Variants in HS6ST2 observed in about 807,000 individuals in gnomAD.
HS6ST2 encodes the protein heparan sulfate 6-O-sulfotransferase 2.
A neutral mutation model predicts 33.0 loss-of-function variants in HS6ST2; 17 were observed. The ratio of observed to expected loss-of-function variants is 0.52; its 90% CI spans 0.35 to 0.77. The LOEUF (loss-of-function observed/expected upper bound fraction) is 0.77, where lower values mean the gene tolerates loss of function less well. Ranked by LOEUF, HS6ST2 falls within the 30% of genes least tolerant of loss-of-function variation. The pLI is 0.01. For synonymous variants in HS6ST2, 248 were observed against 237.1 expected (o/e 1.05, Z -0.42); for missense variants, 519 against 551.7 (o/e 0.94, Z 0.59).
At chrX:132,944,650 A>T (rs189457901) in intron 2 of HS6ST2, among the ~76,000 whole-genome samples, 6 of 111,600 alleles carry the variant, frequency 5.4e-5, no homozygotes, top group Non-Finnish European at 7.5e-5. Flanking sequence ...TGCTGCCAAA[A>T]CAGAGATATA....
intron 2 of HS6ST2, among the ~76,000 whole-genome samples, chrX:132,927,952 T>C (rs192838855): frequency 1.1e-3 from 123 of 110,174 alleles, no homozygotes; most frequent in African/African-American, 4.0e-3. Flanking sequence ...TTTAATTAGC[T>C]CATGGTTCTG....
intron 4 of HS6ST2, among the ~76,000 whole-genome samples, chrX:132,666,496 T>A (rs970939083): frequency 8.9e-6 from 1 of 111,796 alleles, no homozygotes; most frequent in African/African-American, 3.3e-5. Flanking sequence ...CAGGTGGGCA[T>A]ATCATTATCC....
At chrX:132,869,005 T>TTA (rs1556479445) in intron 2 of HS6ST2, among the ~76,000 whole-genome samples, 1 of 107,802 alleles carries the variant, frequency 9.3e-6, no homozygotes, top group African/African-American at 3.4e-5. Context: ...ATTTTTTTTT[T>TTA]AAAGACTAAC....
chrX:132,668,014 C>G (rs751482101), intron 4 of HS6ST2, among the ~76,000 whole-genome samples: 1 of 111,253 alleles, frequency 9.0e-6, no homozygotes, highest in African/African-American at 3.3e-5. Flanking sequence ...CAAGATAACC[C>G]GCATTCAACT....
At chrX:132,748,161 A>G (rs2064665405) in intron 2 of HS6ST2, among the ~76,000 whole-genome samples, 1 of 111,086 alleles carries the variant, frequency 9.0e-6, no homozygotes, top group African/African-American at 3.3e-5. Flanking sequence ...CAACATACCT[A>G]AGCTGCAATT....
Position 132,704,642 on chromosome X carries a change from C to A in HS6ST2, c.980+3820G>T, listed in dbSNP as rs536336686. The stretch of plus-strand genomic sequence containing the variant: ...TCTTCCAGCACCTAAAAACTGAACT[C>A]AATTTTCATCTTAGGAAGCTGTTCC... On this transcript the variant is annotated intron_variant, in intron 3 of 4. Transcript: ENST00000370833. Among the ~76,000 whole-genome samples the A allele has an allele frequency of 6.2e-5, 7 of 112,296 alleles. No individual in the cohort carries two copies. In the South Asian group the frequency reaches 2.6e-3, roughly 42 times the overall value.
intron 2 of HS6ST2, among the ~76,000 whole-genome samples, chrX:132,778,976 T>C (rs1163943943): frequency 3.6e-5 from 4 of 112,137 alleles, no homozygotes; most frequent in African/African-American, 1.3e-4. Context: ...AACAGTATCC[T>C]GGAATGGAGG....
intron 2 of HS6ST2, among the ~76,000 whole-genome samples, chrX:132,805,015 C>G (rs2065267870): frequency 9.0e-6 from 1 of 111,271 alleles, no homozygotes; most frequent in Non-Finnish European, 1.9e-5. Context: ...TAGCTACCAA[C>G]TGCCACTGTC....
At chrX:132,660,661 A>T (rs1005485099) in intron 4 of HS6ST2, among the ~76,000 whole-genome samples, 1 of 111,568 alleles carries the variant, frequency 9.0e-6, no homozygotes, top group African/African-American at 3.3e-5. Context: ...GCAGGGATCA[A>T]CCATTTGTTC....
intron 2 of HS6ST2, among the ~76,000 whole-genome samples, chrX:132,791,029 C>T (rs760750252): frequency 6.8e-4 from 75 of 109,852 alleles, no homozygotes; most frequent in Admixed American, 3.8e-3. Flanking sequence ...TGCTTGTAGT[C>T]CCGGCTACTT....
intron 2 of HS6ST2, among the ~76,000 whole-genome samples, chrX:132,889,859 G>A (rs747546086): frequency 9.0e-6 from 1 of 111,717 alleles, no homozygotes; most frequent in Non-Finnish European, 1.9e-5. Flanking sequence ...GAACATATCT[G>A]GAGGCATCAC....
chrX:132,670,039 A>G (rs1199954566), intron 3 of HS6ST2, among the ~76,000 whole-genome samples: 1 of 111,681 alleles, frequency 9.0e-6, no homozygotes, highest in Non-Finnish European at 1.9e-5. Flanking sequence ...AAACCAATTC[A>G]AAGCCTTTCT....
intron 2 of HS6ST2, among the ~76,000 whole-genome samples, chrX:132,866,237 A>G (rs1045145733): frequency 4.5e-5 from 5 of 111,781 alleles, no homozygotes; most frequent in Middle Eastern, 4.6e-3. Context: ...TAAATAGGGA[A>G]TCCTTTCCCC....
chrX:132,826,251 T>C (rs1230294564), intron 2 of HS6ST2, among the ~76,000 whole-genome samples: 1 of 112,100 alleles, frequency 8.9e-6, no homozygotes, highest in Non-Finnish European at 1.9e-5. Flanking sequence ...TTGGTTTTGG[T>C]TTTGCCTATG....
At chrX:132,774,831 C>A (rs941216869) in intron 2 of HS6ST2, among the ~76,000 whole-genome samples, 1 of 110,502 alleles carries the variant, frequency 9.0e-6, no homozygotes, top group Admixed American at 9.7e-5. Context: ...CAGGTGTGCA[C>A]AACCACACCC....
chrX:132,637,854 TATATATAATATATTATATATAATA>T, intron 4 of HS6ST2, among the ~76,000 whole-genome samples: 2 of 26,552 alleles, frequency 7.5e-5, no homozygotes, highest in African/African-American at 1.5e-3. Context: ...ATATATAATA[TATATATAATATATTATATATAATA>T]TATATATAAT....
At chrX:132,660,750 G>A (rs2063765626) in intron 4 of HS6ST2, among the ~76,000 whole-genome samples, 1 of 111,719 alleles carries the variant, frequency 9.0e-6, no homozygotes, top group Non-Finnish European at 1.9e-5. Flanking sequence ...CCAGACTTAA[G>A]TGGGTAGAAA....
intron 2 of HS6ST2, among the ~76,000 whole-genome samples, chrX:132,763,006 T>C (rs1019195132): frequency 1.8e-5 from 2 of 112,165 alleles, no homozygotes; most frequent in Non-Finnish European, 3.8e-5. Context: ...AATAATGATA[T>C]GATCCTCACT....
At chrX:132,634,418 C>T (rs1268249827) in intron 4 of HS6ST2, among the ~76,000 whole-genome samples, 1 of 112,243 alleles carries the variant, frequency 8.9e-6, no homozygotes, top group Non-Finnish European at 1.9e-5. Flanking sequence ...AATGTATCAC[C>T]TAATTAAAAT....
Sources: gnomAD v4.1 joint callset for allele counts (sites outside exome capture counted in the v4.1 genomes callset) on GRCh38, gnomAD v4.1.1 for gene constraint, MANE v1.5 for transcripts, NCBI Gene and HGNC (gene_info 2026-07-23, HGNC 2026-07-21) for gene names.